CTNNA3: variants seen among roughly 807,000 people sequenced by gnomAD.
The protein encoded by CTNNA3 is catenin alpha 3, also known as catenin alpha-3.
In CTNNA3, 76 loss-of-function variants were observed where a neutral mutation model predicts 95.7. The observed-to-expected ratio is 0.79, with a 90% CI of 0.66 to 0.96. The LOEUF is 0.96. CTNNA3 is among the 40% of genes least tolerant of loss of function. The probability of loss-of-function intolerance (pLI) is 0.00; values close to 1 mark genes in which losing one functional copy is unlikely to be tolerated. For missense variants in CTNNA3, 1,191 were observed against 1,089.8 expected (o/e 1.09, Z -1.31); for synonymous variants, 431 against 374.4 (o/e 1.15, Z -1.74).
chr10:67,256,571 T>C (rs147375682), intron 5 of CTNNA3, among the ~76,000 whole-genome samples: 3 of 152,298 alleles, frequency 2.0e-5, no homozygotes, highest in Non-Finnish European at 4.4e-5. Context: ...GACTGCTTTT[T>C]CCCTAAAGTC....
At chr10:67,256,278 G>A (rs1244732472) in intron 5 of CTNNA3, among the ~76,000 whole-genome samples, 1 of 152,116 alleles carries the variant, frequency 6.6e-6, no homozygotes, top group African/African-American at 2.4e-5. Flanking sequence ...TAGGAAGCTT[G>A]CTCTTGATGC....
At chr10:67,428,769 G>T (rs552440882) in intron 5 of CTNNA3, among the ~76,000 whole-genome samples, 1 of 152,026 alleles carries the variant, frequency 6.6e-6, no homozygotes, top group East Asian at 1.9e-4. Flanking sequence ...TATAAAGCAG[G>T]CAGAAAAATG....
At chr10:66,574,389 A>G (rs1244988253) in intron 10 of CTNNA3, among the ~76,000 whole-genome samples, 2 of 152,138 alleles carry the variant, frequency 1.3e-5, no homozygotes, top group Non-Finnish European at 2.9e-5. Context: ...TTTTGTAAAG[A>G]AATAAAAGCT....
chr10:67,553,432 G>A (rs536400307), intron 3 of CTNNA3, among the ~76,000 whole-genome samples: 21 of 152,120 alleles, frequency 1.4e-4, no homozygotes, highest in Non-Finnish European at 2.4e-4. Context: ...AGTCACTATC[G>A]AAATCTAAAC....
At chr10:66,269,886 G>A (rs895707913) in intron 13 of CTNNA3, among the ~76,000 whole-genome samples, 12 of 152,096 alleles carry the variant, frequency 7.9e-5, no homozygotes. Flanking sequence ...ACACGGATCC[G>A]ACTTTGCAGA....
chr10:66,288,638 T>G (rs1201582809), intron 12 of CTNNA3, among the ~76,000 whole-genome samples: 1 of 152,144 alleles, frequency 6.6e-6, no homozygotes, highest in Non-Finnish European at 1.5e-5. Flanking sequence ...GGCTACCATA[T>G]TAGATAGTGT....
rs76857687 is a variant in CTNNA3, at chr10:67,272,500, C to T, written c.580-52630G>A. Among the ~76,000 whole-genome samples the T allele has an allele frequency of 1.2e-3, 176 of 152,190 alleles. 1 individual carries two copies. The East Asian group carries it at 0.019, about 16-fold the overall frequency. On this transcript the variant is annotated intron_variant, in intron 5 of 17. Coordinates refer to ENST00000433211, the MANE Select transcript of CTNNA3 (RefSeq NM_013266.4). ...CCCAATAGTTGGAGGCTGTAGTCAG[C>T]TATCATTGTACCACTGCACTCCAGC...
At chr10:66,889,295 G>T (rs1845166187) in intron 7 of CTNNA3, among the ~76,000 whole-genome samples, 1 of 152,166 alleles carries the variant, frequency 6.6e-6, no homozygotes, top group Admixed American at 6.6e-5. Context: ...ATACTGTAAT[G>T]GTAGATACAT....
chr10:66,881,562 C>A (rs897874314), intron 7 of CTNNA3, among the ~76,000 whole-genome samples: 2 of 152,056 alleles, frequency 1.3e-5, no homozygotes, highest in African/African-American at 2.4e-5. Flanking sequence ...GAAACATATT[C>A]AAATAAATAA....
At chr10:66,340,890 A>G (rs1226378636) in intron 12 of CTNNA3, among the ~76,000 whole-genome samples, 1 of 151,848 alleles carries the variant, frequency 6.6e-6, no homozygotes, top group East Asian at 1.9e-4. Flanking sequence ...GACTCGATAT[A>G]TAGTGTTGGT....
chr10:66,300,805 GA>G, intron 12 of CTNNA3, among the ~76,000 whole-genome samples: 1 of 151,792 alleles, frequency 6.6e-6, no homozygotes, highest in African/African-American at 2.4e-5. Context: ...AAACTAAGCA[GA>G]AGAAAATAAA....
intron 1 of CTNNA3, among the ~76,000 whole-genome samples, chr10:67,670,131 C>T (rs1426274845): frequency 6.6e-6 from 1 of 152,186 alleles, no homozygotes; most frequent in Admixed American, 6.5e-5. Flanking sequence ...CCACATAAGA[C>T]TTGTGGAGTT....
chr10:66,089,056 G>A (rs1338807027), intron 14 of CTNNA3, among the ~76,000 whole-genome samples: 4 of 151,840 alleles, frequency 2.6e-5, no homozygotes, highest in Non-Finnish European at 4.4e-5. Context: ...GTTTGCTTGG[G>A]TTTACCTTTT....
chr10:67,402,895 A>G (rs1589256657), intron 5 of CTNNA3, among the ~76,000 whole-genome samples: 1 of 152,168 alleles, frequency 6.6e-6, no homozygotes, highest in Non-Finnish European at 1.5e-5. Context: ...AGGTCCATAC[A>G]TACCCCTAGG....
At chr10:65,952,985 A>G (rs2077649749) in intron 17 of CTNNA3, among the ~76,000 whole-genome samples, 1 of 152,244 alleles carries the variant, frequency 6.6e-6, no homozygotes, top group Admixed American at 6.5e-5. Flanking sequence ...GCAGTACCAA[A>G]AAAATGCTGA....
At chr10:66,670,640 G>C (rs1846627067) in intron 9 of CTNNA3, among the ~76,000 whole-genome samples, 1 of 152,108 alleles carries the variant, frequency 6.6e-6, no homozygotes. Flanking sequence ...TGATTACATT[G>C]ATCTCACCTG....
intron 7 of CTNNA3, among the ~76,000 whole-genome samples, chr10:67,164,646 G>T (rs1197127979): frequency 6.6e-6 from 1 of 151,910 alleles, no homozygotes; most frequent in African/African-American, 2.4e-5. Context: ...ATCTGAAAAG[G>T]TCTCATATAT....
chr10:66,700,223 A>G (rs1385718735), intron 9 of CTNNA3, among the ~76,000 whole-genome samples: 1 of 152,104 alleles, frequency 6.6e-6, no homozygotes, highest in Admixed American at 6.6e-5. Context: ...GACAATATCA[A>G]GAAGTTTTTC....
chr10:66,676,115 A>C (rs1463655201), intron 9 of CTNNA3, among the ~76,000 whole-genome samples: 1 of 91,296 alleles, frequency 1.1e-5, no homozygotes, highest in Non-Finnish European at 2.7e-5. Flanking sequence ...TAAAACACAC[A>C]CACACACACA....
Sources: gnomAD v4.1 joint callset for allele counts (sites outside exome capture counted in the v4.1 genomes callset) on GRCh38, gnomAD v4.1.1 for gene constraint, MANE v1.5 for transcripts, NCBI Gene and HGNC (gene_info 2026-07-23, HGNC 2026-07-21) for gene names.